The following TSC22D1 variants were observed in gnomAD, a reference collection of about 807,000 sequenced individuals.
The protein encoded by TSC22D1 is TSC22 domain family member 1.
TSC22D1 carries 9 observed loss-of-function variants against 74.2 expected under a neutral mutation model. That is an observed-to-expected ratio of 0.12 (90% CI 0.07 to 0.21). The LOEUF (loss-of-function observed/expected upper bound fraction) is 0.21, where lower values mean the gene tolerates loss of function less well. TSC22D1 is among the 10% of genes least tolerant of loss of function. The pLI, the probability that TSC22D1 is intolerant of heterozygous loss-of-function variation, is 1.00. For missense variants in TSC22D1, 1,427 were observed against 1,304.7 expected, an observed-to-expected ratio of 1.09 and a Z score of -1.44; for synonymous variants, 586 against 492.5, an observed-to-expected ratio of 1.19 and a Z score of -2.51.
chr13:44,561,356 G>T (rs1423550728), intron 1 of TSC22D1, among the ~76,000 whole-genome samples: 3 of 152,144 alleles, frequency 2.0e-5, no homozygotes, highest in Non-Finnish European at 4.4e-5. Context: ...AGTAAAGCCA[G>T]TACCCTCCTA....
chr13:44,472,096 A>G (rs1287446595), intron 1 of TSC22D1, among the ~76,000 whole-genome samples: 1 of 152,172 alleles, frequency 6.6e-6, no homozygotes, highest in African/African-American at 2.4e-5. Flanking sequence ...TTGTTCTATT[A>G]CTGTTGTTGT....
chr13:44,521,458 TTCA>T (rs1363067999), intron 1 of TSC22D1, among the ~76,000 whole-genome samples: 3 of 151,998 alleles, frequency 2.0e-5, no homozygotes, highest in Non-Finnish European at 2.9e-5. Context: ...ACTCCTCCCC[TTCA>T]TCTCTCTTAC....
At chr13:44,538,896 A>T (rs1480306497) in intron 1 of TSC22D1, 13 of 985,270 alleles carry the variant, frequency 1.3e-5, no homozygotes, top group Non-Finnish European at 1.6e-5. Context: ...AATCTGGGCA[A>T]TTAAAGAACA....
chr13:44,522,294 T>C (rs1376249649), intron 1 of TSC22D1, among the ~76,000 whole-genome samples: 2 of 152,126 alleles, frequency 1.3e-5, no homozygotes, highest in African/African-American at 4.8e-5. Flanking sequence ...GGCCTGATCA[T>C]TTAGGGTCTC....
intron 1 of TSC22D1, among the ~76,000 whole-genome samples, chr13:44,524,552 G>GGT (rs1046211289): frequency 6.6e-6 from 1 of 151,738 alleles, no homozygotes; most frequent in African/African-American, 2.4e-5. Context: ...GATTTTTTTT[G>GGT]TTTGTTTGTT....
intron 1 of TSC22D1, among the ~76,000 whole-genome samples, chr13:44,557,785 C>T (rs1193961988): frequency 6.6e-6 from 1 of 152,030 alleles, no homozygotes; most frequent in Admixed American, 6.6e-5. Flanking sequence ...TCCTAAGTAT[C>T]AACAGCTTAT....
chr13:44,447,485 G>C (rs1227518418), intron 1 of TSC22D1, among the ~76,000 whole-genome samples: 1 of 151,618 alleles, frequency 6.6e-6, no homozygotes, highest in Admixed American at 6.6e-5. Flanking sequence ...TCTGTTCTTA[G>C]AACTGTTGAG....
chr13:44,559,532 T>G (rs1033932415), intron 1 of TSC22D1, among the ~76,000 whole-genome samples: 20 of 151,870 alleles, frequency 1.3e-4, no homozygotes, highest in African/African-American at 4.1e-4. Flanking sequence ...AAAATTAACT[T>G]TTTTTTTCTT....
In TSC22D1 at chr13:44,538,122, G is replaced by A. The variant is rs141148986; in HGVS notation, c.2912+35041C>T. 9.7e-3 allele frequency: 9,589 copies of A among 985,122 alleles called. 52 individuals are homozygous for A. The highest frequency in any genetic ancestry group is 0.015 in the Middle Eastern group (28 of 1,912). The allele number at this position is 985,122 out of a possible 1,614,324, so 61.0% of individuals were successfully genotyped here. On this transcript the variant is annotated intron_variant, in intron 1 of 2. Transcript: ENST00000458659. ...ACCTACAGGCTTATTCTAATACTAA[G>A]TGCTTCTGCTCTGTAAACTACTGTT...
chr13:44,484,788 T>A (rs1342637114), intron 1 of TSC22D1, among the ~76,000 whole-genome samples: 1 of 152,156 alleles, frequency 6.6e-6, no homozygotes, highest in Non-Finnish European at 1.5e-5. Flanking sequence ...GCCACACAGG[T>A]GGGTATCCCT....
In TSC22D1 at chr13:44,530,188, G is replaced by A. The variant is rs540222748; in HGVS notation, c.2912+42975C>T. Among the ~76,000 whole-genome samples the A allele has an allele frequency of 2.0e-5, 3 of 152,210 alleles. No individual in the cohort carries two copies. In the East Asian group the frequency reaches 5.8e-4, roughly 29 times the overall value. On this transcript the variant is annotated intron_variant, in intron 1 of 2. Transcript: ENST00000458659. ...GTAAAAAGCTTCAGTATTCAACACA[G>A]TATGATATTGGCAAAGAAAAGATCA... is the stretch of plus-strand genomic sequence containing the variant.
At chr13:44,441,232 T>C (rs1471933577) in intron 1 of TSC22D1, among the ~76,000 whole-genome samples, 1 of 152,184 alleles carries the variant, frequency 6.6e-6, no homozygotes, top group Non-Finnish European at 1.5e-5. Flanking sequence ...TAAGGGAAGA[T>C]GGAGAACTCC....
chr13:44,452,770 G>C (rs762163317), intron 1 of TSC22D1: 3 of 152,426 alleles, frequency 2.0e-5, no homozygotes, highest in Non-Finnish European at 4.4e-5. Context: ...CCTACGTGGA[G>C]TAAGAACAGA....
intron 1 of TSC22D1, among the ~76,000 whole-genome samples, chr13:44,509,701 GT>G (rs962719314): frequency 3.3e-5 from 5 of 151,548 alleles, no homozygotes; most frequent in Non-Finnish European, 7.4e-5. Flanking sequence ...ATTTTACCAG[GT>G]TTTTTTTCAA....
At chr13:44,499,400 T>A (rs9533878) in intron 1 of TSC22D1, among the ~76,000 whole-genome samples, 17,392 of 152,140 alleles carry the variant, frequency 0.11, 1,028 homozygotes, top group Non-Finnish European at 0.13. Flanking sequence ...ATTAATATTT[T>A]AAAATATCTA....
intron 1 of TSC22D1, among the ~76,000 whole-genome samples, chr13:44,555,630 T>TAAAC (rs1049391125): frequency 9.9e-5 from 15 of 151,760 alleles, no homozygotes; most frequent in Middle Eastern, 3.4e-3. Flanking sequence ...AATAAATAAA[T>TAAAC]AAACAAATAT....
chr13:44,434,098 A>G lies in TSC22D1; in HGVS notation c.*528T>C. Reference sequence around the variant, plus strand: ...TTTGAGAAGAAAGAGGCACAGTACTATTGTTTTTTATGAATTTTGGTGACA... The same window carrying G: ...TTTGAGAAGAAAGAGGCACAGTACTGTTGTTTTTTATGAATTTTGGTGACA... On this transcript the variant is annotated 3_prime_UTR_variant, in exon 3 of 3. Transcript: ENST00000458659. The G allele has an allele frequency of 6.6e-7, 1 of 1,504,516 alleles. No homozygotes were observed. The highest frequency in any genetic ancestry group is 1.3e-5 in the South Asian group (1 of 77,916). 93.2% of individuals were successfully genotyped at this position (1,504,516 alleles called of 1,614,324 possible). A position where few individuals can be genotyped will look rare whatever the true frequency, so the allele number is the denominator to read the frequency against.
At chr13:44,435,924 T>G in intron 2 of TSC22D1, 120 bp downstream of exon 2, 5 of 1,096,416 alleles carry the variant, frequency 4.6e-6, no homozygotes, top group Non-Finnish European at 4.1e-6. Context: ...GCGCCGGCAT[T>G]TCTACGCGCA....
intron 1 of TSC22D1, chr13:44,436,849 A>G (rs989877407): frequency 3.0e-6 from 4 of 1,319,468 alleles, no homozygotes; most frequent in Middle Eastern, 2.8e-4. Flanking sequence ...GGCTCCACTC[A>G]GCTCTAGACC....
Sources: gnomAD v4.1 joint callset for allele counts (sites outside exome capture counted in the v4.1 genomes callset) on GRCh38, gnomAD v4.1.1 for gene constraint, MANE v1.5 for transcripts, NCBI Gene and HGNC (gene_info 2026-07-23, HGNC 2026-07-21) for gene names.